Variants in ZC3H18 observed in about 807,000 individuals in gnomAD.
ZC3H18 encodes zinc finger CCCH domain-containing protein 18.
ZC3H18 carries 8 observed loss-of-function variants against 106.1 expected under a neutral mutation model. That is an observed-to-expected ratio of 0.08 (90% confidence interval 0.04 to 0.14). ZC3H18 has a LOEUF of 0.14. Ranked by LOEUF, ZC3H18 falls within the 10% of genes least tolerant of loss-of-function variation. The pLI, the probability that ZC3H18 is intolerant of heterozygous loss-of-function variation, is 1.00. For synonymous variants in ZC3H18, 635 were observed against 522.1 expected (o/e 1.22, Z -2.95); for missense variants, 1,318 against 1,278.4 (o/e 1.03, Z -0.47).
At chr16:88,571,763 G>A in intron 1 of ZC3H18, 2 of 819,712 alleles carry the variant, frequency 2.4e-6, no homozygotes, top group Non-Finnish European at 2.9e-6. Flanking sequence ...TCTTTATCAA[G>A]GAGTTTAGTG....
At chr16:88,593,758 G>C (rs915164837) in intron 3 of ZC3H18, among the ~76,000 whole-genome samples, 3 of 152,230 alleles carry the variant, frequency 2.0e-5, no homozygotes, top group African/African-American at 7.2e-5. Context: ...TGAGCCTGTG[G>C]CTTCAAGGAG....
intron 6 of ZC3H18, among the ~76,000 whole-genome samples, chr16:88,601,639 AT>A (rs757377650): frequency 6.6e-6 from 1 of 152,140 alleles, no homozygotes; most frequent in Non-Finnish European, 1.5e-5. Context: ...AGGAGCCGGT[AT>A]CTACACTGCA....
chr16:88,583,558 C>G (rs999093937), intron 2 of ZC3H18, among the ~76,000 whole-genome samples: 6 of 152,220 alleles, frequency 3.9e-5, no homozygotes, highest in Admixed American at 2.0e-4. Flanking sequence ...GAACCTGGGC[C>G]TTTTCCCCCA....
At chr16:88,581,189 A>G (rs997436766) in intron 2 of ZC3H18, among the ~76,000 whole-genome samples, 1 of 152,194 alleles carries the variant, frequency 6.6e-6, no homozygotes, top group Non-Finnish European at 1.5e-5. Context: ...TAAAAAACAG[A>G]TGGGGTCTCA....
chr16:88,599,112 T>C (rs1447013073), intron 5 of ZC3H18, among the ~76,000 whole-genome samples: 2 of 152,216 alleles, frequency 1.3e-5, no homozygotes, highest in Non-Finnish European at 1.5e-5. Flanking sequence ...TTCATGGGGC[T>C]GGATCAGCAC....
At chr16:88,586,311 C>T (rs1915427133) in intron 2 of ZC3H18, among the ~76,000 whole-genome samples, 1 of 152,112 alleles carries the variant, frequency 6.6e-6, no homozygotes. Context: ...ATTTCCTGCC[C>T]AGAGTTGATA....
rs558948640 is a variant in ZC3H18 at position 88,595,373 on chromosome 16, C to T, written c.689-2805C>T. ...CAGTATCCGCAGAACTATCTTTATACTGTTAGAATCACAATCCACATAAAT... is the reference window on the plus strand; with the variant it reads ...CAGTATCCGCAGAACTATCTTTATATTGTTAGAATCACAATCCACATAAAT... On this transcript the variant is annotated intron_variant, in intron 3 of 17. Coordinates refer to ENST00000301011, the MANE Select transcript of ZC3H18 (RefSeq NM_144604.4). Among the ~76,000 whole-genome samples the T allele has an allele frequency of 7.2e-5, 11 of 152,152 alleles. No individual in the cohort carries two copies. The South Asian group carries it at 2.3e-3, about 32-fold the overall frequency.
At chr16:88,591,919 A>T (rs1487059413) in intron 3 of ZC3H18, among the ~76,000 whole-genome samples, 1 of 126,714 alleles carries the variant, frequency 7.9e-6, no homozygotes, top group South Asian at 2.6e-4. Context: ...CTTTTGAGGA[A>T]CCGCTGGCAG....
At chr16:88,628,950 G>C in intron 16 of ZC3H18, 96 bp downstream of exon 16, 2 of 1,262,772 alleles carry the variant, frequency 1.6e-6, no homozygotes, top group East Asian at 4.7e-5. Context: ...TAACAAGTAG[G>C]AGGAGGGTCC....
intron 2 of ZC3H18, among the ~76,000 whole-genome samples, chr16:88,579,510 A>G (rs72809422): frequency 0.14 from 20,626 of 152,094 alleles, 1,448 homozygotes; most frequent in East Asian, 0.24. Flanking sequence ...ATGTCTGTGG[A>G]GCATACTGTG....
At chr16:88,630,923 G>C (rs1906646425) in intron 17 of ZC3H18, among the ~76,000 whole-genome samples, 178 bp from the exon 18 acceptor site, 1 of 152,246 alleles carries the variant, frequency 6.6e-6, no homozygotes, top group Non-Finnish European at 1.5e-5. Context: ...ACAAAGCCCG[G>C]GAGCCAGTGG....
intron 9 of ZC3H18, chr16:88,622,652 C>T: frequency 2.1e-6 from 1 of 467,296 alleles, no homozygotes; most frequent in Non-Finnish European, 3.8e-6. Context: ...TCACAGGCCA[C>T]ACTGGAGGGA....
chr16:88,571,003 C>T (rs1392199846), intron 1 of ZC3H18, among the ~76,000 whole-genome samples: 1 of 152,216 alleles, frequency 6.6e-6, no homozygotes, highest in Non-Finnish European at 1.5e-5. Context: ...TTATGAACCT[C>T]CTGGAACTTG....
Position 88,583,179 on chromosome 16 carries a change from G to T in ZC3H18, c.604-3421G>T, listed in dbSNP as rs533910462. 1.1e-4 allele frequency among the ~76,000 whole-genome samples: 17 copies of T among 152,342 alleles called. No homozygotes were observed. The South Asian group carries it at 3.5e-3, about 32-fold the overall frequency. On this transcript the variant is annotated intron_variant, in intron 2 of 17. Coordinates refer to ENST00000301011, the MANE Select transcript of ZC3H18 (RefSeq NM_144604.4). ...TCTGCCTTTGTACAGAAGCTCCAGT[G>T]TGAAATAACTTTTTTCTTGTTGTGT...
chr16:88,574,322 G>A (rs59913116), intron 1 of ZC3H18, among the ~76,000 whole-genome samples: 11,351 of 151,900 alleles, frequency 0.075, 574 homozygotes, highest in East Asian at 0.2. Context: ...CGATTCTCTC[G>A]TCTCAGCCTC....
chr16:88,631,150 G>T lies in ZC3H18; in HGVS notation c.2713G>T (p.Val905Leu). Residue 905 changes from valine to leucine, a missense_variant, in exon 18 of 18, where the codon GTG (valine) becomes TTG (leucine). Coordinates refer to ENST00000301011, the MANE Select transcript of ZC3H18 (RefSeq NM_144604.4). ...QSKSSSKVTS[V>L]PGKASDPGAA... ...CAAGAGCTCCAGCAAGGTCACGAGC[G>T]TGCCCGGCAAAGCCTCGGATCCCGG... 1 of 1,613,376 alleles carries T rather than the reference G, an allele frequency of 6.2e-7. No homozygotes were observed.
At chr16:88,630,368 G>C (rs1906585261) in intron 16 of ZC3H18, 117 bp from the exon 17 acceptor site, 1 of 684,296 alleles carries the variant, frequency 1.5e-6, no homozygotes, top group East Asian at 2.8e-5. Flanking sequence ...TAAAAATGAA[G>C]GTGGTGAACT....
chr16:88,611,491 A>G lies in ZC3H18; in HGVS notation c.1430A>G (p.Glu477Gly), dbSNP rs959350279. The G allele has an allele frequency of 1.3e-6, 2 of 1,550,378 alleles. No individual in the cohort carries two copies. The highest frequency in any genetic ancestry group is 8.7e-7 in the Non-Finnish European group (1 of 1,146,434). ...GACCGCGACCGGGAGAAGGAGCGGG[A>G]GAAGGAGAAGGGGAAGCCCAAGCCC... ...HRDRDREKER[E>G]KEKGKPKPRS... The change falls in exon 8 of 18, where the codon GAG (glutamate) becomes GGG (glycine). Residue 477 changes from glutamate to glycine, a missense_variant. By Grantham distance (98) the Glu-to-Gly change is moderately conservative. Around this residue, in one of 6 missense-constraint regions of ZC3H18, gnomAD observed 848 missense variants for 821.7 expected, o/e 1.03. Transcript: ENST00000301011.
chr16:88,597,031 C>T (rs914052549), intron 3 of ZC3H18, among the ~76,000 whole-genome samples: 3 of 152,216 alleles, frequency 2.0e-5, no homozygotes, highest in Admixed American at 6.5e-5. Context: ...CGCCATTCTC[C>T]TGCTTCAGCC....
Sources: gnomAD v4.1 joint callset for allele counts (sites outside exome capture counted in the v4.1 genomes callset) on GRCh38, gnomAD v4.1.1 for gene constraint, gnomAD v4.1.1 regional missense constraint, MANE v1.5 for transcripts, NCBI Gene and HGNC (gene_info 2026-07-23, HGNC 2026-07-21) for gene names.